The following SETD5 variants were observed in gnomAD, a reference collection of about 807,000 sequenced individuals.
SETD5 encodes SET domain containing 5.
SETD5 carries 44 observed loss-of-function variants against 153.3 expected under a neutral mutation model. The observed-to-expected ratio is 0.29, with a 90% confidence interval of 0.23 to 0.37. The LOEUF is 0.37. Ranked by LOEUF, SETD5 falls within the 10% of genes least tolerant of loss-of-function variation. The pLI is 1.00. For synonymous variants in SETD5, 716 were observed against 645.2 expected (o/e 1.11, Z -1.66); for missense variants, 1,544 against 1,768.0 (o/e 0.87, Z 2.27).
At chr3:9,437,545 G>A (rs2040729540) in intron 7 of SETD5, among the ~76,000 whole-genome samples, 1 of 151,776 alleles carries the variant, frequency 6.6e-6, no homozygotes, top group African/African-American at 2.4e-5. Flanking sequence ...GTGTGTGTGT[G>A]TGTGTATAAA....
chr3:9,429,816 C>G, intron 3 of SETD5: 1 of 1,302,586 alleles, frequency 7.7e-7, no homozygotes, highest in Non-Finnish European at 1.0e-6. Context: ...CCCAATCTTC[C>G]TTGCTTACAG....
chr3:9,472,343 G>A (rs2045396919), intron 19 of SETD5, among the ~76,000 whole-genome samples: 1 of 152,164 alleles, frequency 6.6e-6, no homozygotes, highest in Non-Finnish European at 1.5e-5. Flanking sequence ...CATGGTAATA[G>A]GTTCTACGGC....
rs1316499979 is a variant in SETD5, at chr3:9,445,723, C to G, written c.1507C>G (p.Leu503Val). Residue 503 changes from leucine to valine, a missense_variant, in exon 13 of 23, where the codon CTA (leucine) becomes GTA (valine). Coordinates refer to ENST00000402198, the MANE Select transcript of SETD5 (RefSeq NM_001080517.3). ...KEEVIDDQEN[L>V]AHSRRTREDR... ...AGAGGTTATAGATGACCAGGAGAACCTAGCTCATAGCAGGAGGGTGAGTAC... is the reference window on the plus strand; with the variant it reads ...AGAGGTTATAGATGACCAGGAGAACGTAGCTCATAGCAGGAGGGTGAGTAC... The G allele has an allele frequency of 1.2e-6, 2 of 1,613,014 alleles. No homozygotes were observed. The highest frequency in any genetic ancestry group is 8.5e-7 in the Non-Finnish European group (1 of 1,179,456).
At chr3:9,422,273 AC>A (rs1461391710) in intron 1 of SETD5, among the ~76,000 whole-genome samples, 1 of 152,184 alleles carries the variant, frequency 6.6e-6, no homozygotes, top group East Asian at 1.9e-4. Context: ...TTATCAGCAT[AC>A]CTTATATGTC....
At chr3:9,405,502 C>T (rs2035508660) in intron 1 of SETD5, among the ~76,000 whole-genome samples, 1 of 152,036 alleles carries the variant, frequency 6.6e-6, no homozygotes, top group Admixed American at 6.5e-5. Flanking sequence ...TATCCCATAC[C>T]ACCCCCACAA....
rs1406434733 is a variant in SETD5, at chr3:9,464,482, C to T, written c.2534C>T (p.Thr845Ile). Residue 845 changes from threonine to isoleucine, a missense_variant, in exon 18 of 23, where the codon ACC (threonine) becomes ATC (isoleucine). Thr to Ile is a moderately conservative substitution (Grantham distance 89). Coordinates refer to ENST00000402198, the MANE Select transcript of SETD5 (RefSeq NM_001080517.3). ...KSRYLMEQNV[T>I]KLLRPLSPVT... is the part of the protein sequence containing the mutation. ...CGCTATCTGATGGAGCAGAATGTCACCAAGTTACTTCGGCCTCTGTCTCCA... is the reference window on the plus strand; with the variant it reads ...CGCTATCTGATGGAGCAGAATGTCATCAAGTTACTTCGGCCTCTGTCTCCA... 2 of 1,613,994 alleles carry T rather than the reference C, an allele frequency of 1.2e-6. No individual in the cohort carries two copies. Among genetic ancestry groups the T allele is most frequent in the Non-Finnish European group, 1.7e-6 (2 of 1,179,878 alleles).
intron 3 of SETD5, 144 bp from the exon 4 acceptor site, chr3:9,433,701 A>G (rs779868046): frequency 2.1e-6 from 2 of 935,532 alleles, no homozygotes; most frequent in South Asian, 3.2e-5. Context: ...AGTTATGTTA[A>G]TAAGATTGTT....
chr3:9,434,125 C>T lies in SETD5; in HGVS notation c.177+175C>T. 6.5e-7 allele frequency: 1 copy of T among 1,550,076 alleles called. No homozygotes were observed. Among genetic ancestry groups the T allele is most frequent in the Non-Finnish European group, 8.7e-7 (1 of 1,148,986 alleles). On this transcript the variant is annotated intron_variant, in intron 4 of 22. Transcript: ENST00000402198. This position sits in a 1 kb window ranked among gnomAD's most constrained non-coding sequence, Gnocchi z 5.6. ...CATCATTGTTCTTGTTTTTATGTCC[C>T]AGTTGACCTTGGCATTTTGTTTTAT...
At chr3:9,399,494 A>G (rs2034389917) in intron 1 of SETD5, among the ~76,000 whole-genome samples, 1 of 152,040 alleles carries the variant, frequency 6.6e-6, no homozygotes, top group Non-Finnish European at 1.5e-5. Context: ...TCTGTAGCCA[A>G]AAATTCTGGC....
chr3:9,431,045 G>A (rs1420753978), intron 3 of SETD5: 7 of 985,142 alleles, frequency 7.1e-6, no homozygotes, highest in Non-Finnish European at 8.4e-6. Context: ...TGCCTATTTC[G>A]CTGTTCTGGG....
intron 2 of SETD5, among the ~76,000 whole-genome samples, chr3:9,426,646 G>A (rs2039292248): frequency 6.6e-6 from 1 of 152,052 alleles, no homozygotes. Flanking sequence ...ACCCACCTTG[G>A]CCTCCCAAAA....
intron 7 of SETD5, among the ~76,000 whole-genome samples, chr3:9,438,316 G>C (rs2040840494): frequency 6.6e-6 from 1 of 152,034 alleles, no homozygotes; most frequent in Admixed American, 6.5e-5. Flanking sequence ...CTTAGAGAGG[G>C]GCCTTTTAAA....
Position 9,468,676 on chromosome 3 carries a change from G to A in SETD5, c.2725-1783G>A, listed in dbSNP as rs1164210285. 3 of 1,101,600 alleles carry A rather than the reference G, an allele frequency of 2.7e-6. No individual in the cohort carries two copies. In the African/African-American group the frequency reaches 4.9e-5, roughly 18 times the overall value. 68.2% of individuals were successfully genotyped at this position (1,101,600 alleles called of 1,614,324 possible). A position where few individuals can be genotyped will look rare whatever the true frequency, so the allele number is the denominator to read the frequency against. On this transcript the variant is annotated intron_variant, in intron 18 of 22. Coordinates refer to ENST00000402198, the MANE Select transcript of SETD5 (RefSeq NM_001080517.3). ...GAGGGCTGGGGATCTGAGTCAGTGG[G>A]GTGATGGGCTGGAGGGCGGCCACTC... is the stretch of plus-strand genomic sequence containing the variant.
intron 1 of SETD5, among the ~76,000 whole-genome samples, chr3:9,405,824 A>T (rs1360271919): frequency 1.3e-5 from 2 of 151,278 alleles, no homozygotes; most frequent in Non-Finnish European, 1.5e-5. Context: ...TTGTTGTTGG[A>T]TTTTCTTCCC....
chr3:9,427,657 T>C (rs1032123786), intron 2 of SETD5, among the ~76,000 whole-genome samples: 1 of 152,244 alleles, frequency 6.6e-6, no homozygotes, highest in African/African-American at 2.4e-5. Flanking sequence ...TAATGTCTTA[T>C]TATGAATCAG....
At position 9,464,534 on chromosome 3, in the gene SETD5, C is replaced by G. The variant is rs1479407062; in HGVS notation, c.2586C>G (p.Gly862=). 2 of 1,613,984 alleles carry G rather than the reference C, an allele frequency of 1.2e-6. No homozygotes were observed. Among genetic ancestry groups the G allele is most frequent in the Non-Finnish European group, 1.7e-6 (2 of 1,179,882 alleles). The part of the protein sequence containing the change: ...SPVTPPPPNS[G]SKSPQLATPG... ...TCACACCACCCCCTCCCAATTCAGG[C>G]TCAAAGAGTCCCCAGCTGGCCACAC... Residue 862 remains glycine (G), a synonymous_variant, in exon 18 of 23, where the codon GGC becomes GGG. Transcript: ENST00000402198.
rs374747475 is a variant in SETD5 at position 9,441,749 on chromosome 3, C to A, written c.959+8C>A. 6.2e-7 allele frequency: 1 copy of A among 1,613,842 alleles called. No homozygotes were observed. Among genetic ancestry groups the A allele is most frequent in the Admixed American group, 1.7e-5 (1 of 60,016 alleles). On this transcript the variant is annotated splice_region_variant and intron_variant, in intron 9 of 22. Transcript: ENST00000402198. ...TGGGCATTTCTTCAAAAAGTAAGAA[C>A]GTCATTCATTGAGCAGTGAGGGCTA...
chr3:9,436,152 C>T (rs1393393015), intron 7 of SETD5, among the ~76,000 whole-genome samples: 1 of 152,122 alleles, frequency 6.6e-6, no homozygotes, highest in African/African-American at 2.4e-5. Flanking sequence ...TATGAAATTC[C>T]AGCCCTACCT....
rs2041848030 is a variant in SETD5, at chr3:9,445,638, T to C, written c.1441-19T>C. The C allele has an allele frequency of 1.2e-6, 2 of 1,600,014 alleles. No homozygotes were observed. The highest frequency in any genetic ancestry group is 1.7e-5 in the Admixed American group (1 of 59,744). On this transcript the variant is annotated intron_variant, in intron 12 of 22. Transcript: ENST00000402198. ...TTCTCAGAGCTTGAGTACAGCTGAA[T>C]ATTGCCTCTATCTTAAAGGAAGTAG...
Sources: allele counts gnomAD v4.1 joint callset (sites outside exome capture counted in the v4.1 genomes callset), GRCh38; gene constraint gnomAD v4.1.1; non-coding constraint Gnocchi (gnomAD v3.1); transcripts MANE v1.5; gene names NCBI Gene and HGNC (gene_info 2026-07-23, HGNC 2026-07-21).